The following EVI5L variants were observed in gnomAD, a reference collection of about 807,000 sequenced individuals.
EVI5L encodes ecotropic viral integration site 5 like, also known as EVI5-like protein.
Under a neutral mutation model 106.1 loss-of-function variants are expected in EVI5L, and 30 were observed. The ratio of observed to expected loss-of-function variants is 0.28; its 90% confidence interval spans 0.21 to 0.38. EVI5L has a LOEUF of 0.38. Among genes scored for constraint, EVI5L ranks in the 10% least tolerant of loss-of-function variants. The pLI, the probability that EVI5L is intolerant of heterozygous loss-of-function variation, is 1.00. For missense variants in EVI5L, 809 were observed against 1,098.0 expected (o/e 0.74, Z 3.72); for synonymous variants, 489 against 483.3 (o/e 1.01, Z -0.15).
chr19:7,857,168 C>T lies in EVI5L; in HGVS notation c.1233+44C>T. On this transcript the variant is annotated intron_variant, in intron 12 of 19. Transcript: ENST00000538904. This position sits in a 1 kb window ranked among gnomAD's most constrained non-coding sequence, Gnocchi z 4.5. Reference sequence around the variant, plus strand: ...CCCTCTCCGGATTCCTTCCTGGCCCCTTCCCTGCACCCTGCACATGACAGC... The same window carrying T: ...CCCTCTCCGGATTCCTTCCTGGCCCTTTCCCTGCACCCTGCACATGACAGC... 2 of 1,549,544 alleles carry T rather than the reference C, an allele frequency of 1.3e-6. No homozygotes were observed. The highest frequency in any genetic ancestry group is 2.7e-5 in the African/African-American group (2 of 73,128).
chr19:7,858,468 A>G lies in EVI5L; in HGVS notation c.1374+137A>G. 1.8e-6 allele frequency: 2 copies of G among 1,138,904 alleles called. No homozygotes were observed. Among genetic ancestry groups the G allele is most frequent in the Non-Finnish European group, 2.4e-6 (2 of 831,278 alleles). 70.5% of individuals were successfully genotyped at this position (1,138,904 alleles called of 1,614,324 possible). A position where few individuals can be genotyped will look rare whatever the true frequency, so the allele number is the denominator to read the frequency against. On this transcript the variant is annotated intron_variant, in intron 13 of 19. Transcript: ENST00000538904. The surrounding 1 kb of genome is among the most constrained non-coding windows in gnomAD (Gnocchi z 5.7). Reference sequence around the variant, plus strand: ...CCTGTTCCTTTCTGGGGTAAGGGGAACCCAGAGACAAGCGCAGATTCTCCC... The same window carrying G: ...CCTGTTCCTTTCTGGGGTAAGGGGAGCCCAGAGACAAGCGCAGATTCTCCC...
intron 10 of EVI5L, 142 bp downstream of exon 10, chr19:7,853,475 C>A: frequency 8.9e-7 from 1 of 1,120,322 alleles, no homozygotes; most frequent in Non-Finnish European, 1.3e-6. Flanking sequence ...AGGCCTCCGC[C>A]CACCTGCGCC....
rs1172303886 is a variant in EVI5L, at chr19:7,856,935, C to T, written c.1201-157C>T. On this transcript the variant is annotated intron_variant, in intron 11 of 19. Coordinates refer to ENST00000538904, the MANE Select transcript of EVI5L (RefSeq NM_001159944.3). The surrounding 1 kb of genome is among the most constrained non-coding windows in gnomAD (Gnocchi z 6.6). ...GCTTTGGTCTTCCTCCGGGTCCTCT[C>T]CTGCTGGTTCTCTGGTCTTCCCTCC... 2 of 794,612 alleles carry T rather than the reference C, an allele frequency of 2.5e-6. No individual in the cohort carries two copies. Among genetic ancestry groups the T allele is most frequent in the South Asian group, 2.9e-5 (2 of 69,252 alleles). The allele number at this position is 794,612 out of a possible 1,614,324, so 49.2% of individuals were successfully genotyped here. A position where few individuals can be genotyped will look rare whatever the true frequency, so the allele number is the denominator to read the frequency against.
rs574816315 is a variant in EVI5L, at chr19:7,854,744, A to G, written c.1147-1271A>G. On this transcript the variant is annotated intron_variant, in intron 10 of 19. Transcript: ENST00000538904. Reference sequence around the variant, plus strand: ...ATCAGGGCTCCAGATTGCTATGAGGACCAGAGACCTGAAATAGCTCTGACC... The same window carrying G: ...ATCAGGGCTCCAGATTGCTATGAGGGCCAGAGACCTGAAATAGCTCTGACC... Among the ~76,000 whole-genome samples, 335 of 152,318 alleles carry G rather than the reference A, an allele frequency of 2.2e-3. 1 individual carries two copies. The highest frequency in any genetic ancestry group is 7.8e-3 in the African/African-American group (323 of 41,562).
Position 7,860,641 on chromosome 19 carries a change from A to C in EVI5L, c.1455A>C (p.Thr485=). 2 of 1,597,000 alleles carry C rather than the reference A, an allele frequency of 1.3e-6. No homozygotes were observed. Among genetic ancestry groups the C allele is most frequent in the African/African-American group, 2.7e-5 (2 of 74,754 alleles). Residue 485 remains threonine, a synonymous_variant, in exon 14 of 20, where the codon ACA becomes ACC. Coordinates refer to ENST00000538904, the MANE Select transcript of EVI5L (RefSeq NM_001159944.3). ...LEQSRLRETE[T]LGALREMQDK... ...AGTCGAGGCTGCGGGAGACGGAGACACTGGGGGCCCTTCGGGAGATGCAGG... is the reference window on the plus strand; with the variant it reads ...AGTCGAGGCTGCGGGAGACGGAGACCCTGGGGGCCCTTCGGGAGATGCAGG...
chr19:7,850,246 G>T lies in EVI5L; in HGVS notation c.753+124G>T. 2 of 1,382,748 alleles carry T rather than the reference G, an allele frequency of 1.4e-6. No individual in the cohort carries two copies. The highest frequency in any genetic ancestry group is 1.9e-6 in the Non-Finnish European group (2 of 1,042,682). 85.7% of individuals were successfully genotyped at this position (1,382,748 alleles called of 1,614,324 possible). On this transcript the variant is annotated intron_variant, in intron 6 of 19. Coordinates refer to ENST00000538904, the MANE Select transcript of EVI5L (RefSeq NM_001159944.3). This position sits in a 1 kb window ranked among gnomAD's most constrained non-coding sequence, Gnocchi z 5.4. ...CTAGACCATACCCGGGCACCTCTTG[G>T]ACTGAAAATTCCAAGCCTGTGAAAT...
intron 1 of EVI5L, among the ~76,000 whole-genome samples, chr19:7,842,937 G>T (rs974507056): frequency 6.6e-6 from 1 of 150,474 alleles, no homozygotes; most frequent in South Asian, 2.1e-4. Flanking sequence ...CCGGGTGTGC[G>T]TGTATCCGAA....
chr19:7,863,549 G>C lies in EVI5L; in HGVS notation c.2265G>C (p.Val755=). Residue 755 remains valine, a synonymous_variant, in exon 20 of 20, where the codon GTG becomes GTC. Transcript: ENST00000538904. The surrounding 1 kb of genome is among the most constrained non-coding windows in gnomAD (Gnocchi z 7.7). ...ACGAGGAGCTACTTGGCGTAGGCGT[G>C]GGCGCTGCCCTGCAGGACGCATTGT... is the stretch of plus-strand genomic sequence containing the variant. ...SSDEELLGVG[V]GAALQDALYP... 1 of 1,600,338 alleles carries C rather than the reference G, an allele frequency of 6.2e-7. No individual in the cohort carries two copies. Among genetic ancestry groups the C allele is most frequent in the Non-Finnish European group, 8.5e-7 (1 of 1,174,490 alleles).
intron 10 of EVI5L, 77 bp from the exon 11 acceptor site, chr19:7,855,938 G>A (rs770827041): frequency 1.2e-5 from 15 of 1,260,958 alleles, no homozygotes; most frequent in South Asian, 3.2e-5. Context: ...GACTGACCCC[G>A]GCAGTGGGTA....
chr19:7,843,840 C>G (rs1010529538), intron 1 of EVI5L, among the ~76,000 whole-genome samples: 4 of 151,952 alleles, frequency 2.6e-5, no homozygotes, highest in African/African-American at 9.7e-5. Flanking sequence ...TGCGTGCACA[C>G]ACGCTTCAGG....
At chr19:7,832,935 G>A (rs1282726504) in intron 1 of EVI5L, among the ~76,000 whole-genome samples, 1 of 152,158 alleles carries the variant, frequency 6.6e-6, no homozygotes, top group African/African-American at 2.4e-5. Flanking sequence ...GCTGAAGGAA[G>A]GCGTGGAGGA....
chr19:7,861,650 C>A (rs1478325597), intron 14 of EVI5L, among the ~76,000 whole-genome samples: 2 of 152,162 alleles, frequency 1.3e-5, no homozygotes, highest in African/African-American at 4.8e-5. Context: ...CCCTAGGACA[C>A]CCTGTGAGAG....
chr19:7,840,221 G>A (rs1978540152), intron 1 of EVI5L, among the ~76,000 whole-genome samples: 1 of 152,242 alleles, frequency 6.6e-6, no homozygotes, highest in Admixed American at 6.5e-5. Flanking sequence ...GCTCACGCCT[G>A]TAATCCCAGC....
chr19:7,841,483 C>T (rs982653398), intron 1 of EVI5L, among the ~76,000 whole-genome samples: 1 of 151,966 alleles, frequency 6.6e-6, no homozygotes, highest in African/African-American at 2.4e-5. Flanking sequence ...AAACGGAAGT[C>T]GAAGATGACC....
chr19:7,854,868 A>C, intron 10 of EVI5L, among the ~76,000 whole-genome samples: 1 of 152,098 alleles, frequency 6.6e-6, no homozygotes, highest in East Asian at 1.9e-4. Context: ...GTTCTGTCTG[A>C]CTGCATTTGC....
chr19:7,835,650 C>T lies in EVI5L; in HGVS notation c.-48+5269C>T, dbSNP rs1978326733. 6.6e-6 allele frequency among the ~76,000 whole-genome samples: 1 copy of T among 152,158 alleles called. No homozygotes were observed. Among genetic ancestry groups the T allele is most frequent in the Admixed American group, 6.5e-5 (1 of 15,272 alleles). Reference sequence around the variant, plus strand: ...GCCAGGGATATGGAAACTTCCAGAACCATGTGGAGGAGCAGCTAGACTGGG... The same window carrying T: ...GCCAGGGATATGGAAACTTCCAGAATCATGTGGAGGAGCAGCTAGACTGGG... On this transcript the variant is annotated intron_variant, in intron 1 of 19. Coordinates refer to ENST00000538904, the MANE Select transcript of EVI5L (RefSeq NM_001159944.3). This position sits in a 1 kb window ranked among gnomAD's most constrained non-coding sequence, Gnocchi z 4.1.
At chr19:7,846,307 A>G (rs565514596) in intron 1 of EVI5L, among the ~76,000 whole-genome samples, 189 bp from the exon 2 acceptor site, 1 of 152,268 alleles carries the variant, frequency 6.6e-6, no homozygotes, top group East Asian at 1.9e-4. Context: ...AGGGATCCCA[A>G]TCGCCAGGGT....
rs566532651 is a variant in EVI5L at position 7,849,169 on chromosome 19, C to T, written c.552+24C>T. 27 of 1,612,226 alleles carry T rather than the reference C, an allele frequency of 1.7e-5. No individual in the cohort carries two copies. The African/African-American group carries it at 3.5e-4, about 21-fold the overall frequency. ...AGGTGAGGCCCAGGGCTCCCCGCTC[C>T]CTCGGTCCCAAAGGAAGGAGAAGTT... On this transcript the variant is annotated intron_variant, in intron 4 of 19. Coordinates refer to ENST00000538904, the MANE Select transcript of EVI5L (RefSeq NM_001159944.3).
rs768219360 is a variant in EVI5L, at chr19:7,853,324, C to A, written c.1137C>A (p.Ile379=). ...AGAGCAAGGAGATGGAGGAGCAGAT[C>A]GAGATCAAAGTGAGTCCAGGGGCCC... ...AMKSKEMEEQ[I]EIKRLRTENR... Residue 379 remains isoleucine, a synonymous_variant, in exon 10 of 20, where the codon ATC becomes ATA. Transcript: ENST00000538904. 1 of 1,611,276 alleles carries A rather than the reference C, an allele frequency of 6.2e-7. No homozygotes were observed. The highest frequency in any genetic ancestry group is 8.5e-7 in the Non-Finnish European group (1 of 1,178,966).
Sources: allele counts gnomAD v4.1 joint callset (sites outside exome capture counted in the v4.1 genomes callset), GRCh38; gene constraint gnomAD v4.1.1; non-coding constraint Gnocchi (gnomAD v3.1); transcripts MANE v1.5; gene names NCBI Gene and HGNC (gene_info 2026-07-23, HGNC 2026-07-21).